Variants in KCNN2 observed in about 807,000 individuals in gnomAD.
KCNN2 encodes small conductance calcium-activated potassium channel protein 2.
A neutral mutation model predicts 55.5 loss-of-function variants in KCNN2; 24 were observed. The observed-to-expected ratio is 0.43, with a 90% CI of 0.31 to 0.61. The LOEUF is 0.61. Among genes scored for constraint, KCNN2 ranks in the 20% least tolerant of loss-of-function variants. The pLI is 0.08. For synonymous variants in KCNN2, 431 were observed against 336.1 expected, an observed-to-expected ratio of 1.28 and a Z score of -3.09; for missense variants, 754 against 853.6, an observed-to-expected ratio of 0.88 and a Z score of 1.45.
intron 1 of KCNN2, among the ~76,000 whole-genome samples, chr5:114,192,269 C>G (rs549011646): frequency 2.0e-5 from 3 of 152,254 alleles, no homozygotes; most frequent in African/African-American, 7.2e-5. Context: ...TTTGGCTGCT[C>G]TCTTATGCTT....
At chr5:114,319,600 C>T (rs550907941) in intron 2 of KCNN2, among the ~76,000 whole-genome samples, 2 of 152,258 alleles carry the variant, frequency 1.3e-5, no homozygotes, top group South Asian at 4.1e-4. Flanking sequence ...AATCTCTACT[C>T]CTTTGCCATG....
intron 1 of KCNN2, among the ~76,000 whole-genome samples, chr5:114,198,460 A>ATG (rs1753604582): frequency 1.0e-5 from 1 of 100,074 alleles, no homozygotes; most frequent in Non-Finnish European, 2.4e-5. Context: ...ATATATATAC[A>ATG]TATACACACA....
intron 5 of KCNN2, among the ~76,000 whole-genome samples, chr5:114,477,905 G>A (rs1762043945): frequency 6.6e-6 from 1 of 152,158 alleles, no homozygotes; most frequent in Non-Finnish European, 1.5e-5. Context: ...ACACTATTAT[G>A]CAGTTATATA....
At chr5:114,070,590 T>C (rs1480616395) in intron 1 of KCNN2, among the ~76,000 whole-genome samples, 1 of 152,220 alleles carries the variant, frequency 6.6e-6, no homozygotes, top group African/African-American at 2.4e-5. Flanking sequence ...GTTCTTGTTT[T>C]GCAGGTCCAG....
At chr5:114,198,330 A>T (rs1255994303) in intron 1 of KCNN2, among the ~76,000 whole-genome samples, 1 of 147,904 alleles carries the variant, frequency 6.8e-6, no homozygotes, top group Non-Finnish European at 1.5e-5. Flanking sequence ...AACCTCATAT[A>T]TATATATATA....
At chr5:114,449,879 T>TACACACACACACACACACAC (rs745574908) in intron 3 of KCNN2, among the ~76,000 whole-genome samples, 22 of 93,444 alleles carry the variant, frequency 2.4e-4, no homozygotes, top group African/African-American at 6.3e-4. Context: ...CATCCAAACA[T>TACACACACACACACACACAC]ACACACACAC....
At position 114,254,031 on chromosome 5, in the gene KCNN2, T is replaced by C. The variant is rs140300631; in HGVS notation, c.-185+32466T>C. On this transcript the variant is annotated intron_variant, in intron 2 of 10. Transcript: ENST00000512097. The stretch of plus-strand genomic sequence containing the variant: ...GCTAAATATGCTCAGCAAGATAAAC[T>C]TGACAGCACAAGTATTTTTTTACTT... 4.9e-4 allele frequency among the ~76,000 whole-genome samples: 75 copies of C among 151,632 alleles called. No individual in the cohort carries two copies. In the East Asian group the frequency reaches 0.012, roughly 24 times the overall value.
chr5:114,388,318 C>A (rs1431073859), intron 2 of KCNN2, among the ~76,000 whole-genome samples: 1 of 152,044 alleles, frequency 6.6e-6, no homozygotes, highest in African/African-American at 2.4e-5. Context: ...AGATGTTATG[C>A]AATTTATATC....
chr5:114,199,554 A>G (rs765247417), intron 1 of KCNN2, among the ~76,000 whole-genome samples: 3 of 151,578 alleles, frequency 2.0e-5, no homozygotes, highest in Admixed American at 6.6e-5. Context: ...TCATGTCCCC[A>G]TTTGATTTCT....
rs1184832749 is a variant in KCNN2, at chr5:114,496,189, A to C, written c.*7A>C. 6.2e-7 allele frequency: 1 copy of C among 1,612,176 alleles called. No homozygotes were observed. Among genetic ancestry groups the C allele is most frequent in the Non-Finnish European group, 8.5e-7 (1 of 1,178,804 alleles). On this transcript the variant is annotated 3_prime_UTR_variant, in exon 8 of 8. Coordinates refer to ENST00000673685, the MANE Select transcript of KCNN2 (RefSeq NM_021614.4). ...TTCATCAGAGAGTAGCTAGAAGAGA[A>C]TAAGTTAACCACAAAATAAGACTTT...
chr5:114,058,104 A>T (rs1424136068), intron 1 of KCNN2, among the ~76,000 whole-genome samples: 1 of 152,222 alleles, frequency 6.6e-6, no homozygotes, highest in Non-Finnish European at 1.5e-5. Flanking sequence ...ATGCATGTGA[A>T]TATGCTTAAC....
chr5:114,431,528 C>G (rs901311668), intron 3 of KCNN2, among the ~76,000 whole-genome samples: 6 of 151,932 alleles, frequency 3.9e-5, no homozygotes, highest in African/African-American at 1.4e-4. Context: ...TTTCAAAGAA[C>G]TAGCTTTTGA....
intron 1 of KCNN2, among the ~76,000 whole-genome samples, chr5:114,058,728 A>G (rs1750262196): frequency 6.6e-6 from 1 of 152,202 alleles, no homozygotes; most frequent in Non-Finnish European, 1.5e-5. Context: ...CAGATCCTGC[A>G]GGGCTTTGCA....
intron 1 of KCNN2, among the ~76,000 whole-genome samples, chr5:114,144,269 A>G (rs1415448465): frequency 1.3e-5 from 2 of 152,160 alleles, no homozygotes; most frequent in East Asian, 1.9e-4. Flanking sequence ...TCATAATTCT[A>G]TCTCCCATCC....
intron 4 of KCNN2, among the ~76,000 whole-genome samples, chr5:114,465,186 C>A (rs2150117286): frequency 6.6e-6 from 1 of 152,256 alleles, no homozygotes; most frequent in South Asian, 2.1e-4. Context: ...GTTTATCGTT[C>A]CTTGATATTT....
intron 2 of KCNN2, among the ~76,000 whole-genome samples, chr5:114,343,658 G>C (rs1757057072): frequency 6.6e-6 from 1 of 151,972 alleles, no homozygotes; most frequent in East Asian, 1.9e-4. Flanking sequence ...ACAAAGACTT[G>C]AATACCATGG....
At chr5:114,217,284 A>G (rs1431670739) in intron 1 of KCNN2, among the ~76,000 whole-genome samples, 1 of 152,150 alleles carries the variant, frequency 6.6e-6, no homozygotes, top group Non-Finnish European at 1.5e-5. Context: ...CAAAAGACCC[A>G]CAACAGCCAA....
intron 2 of KCNN2, among the ~76,000 whole-genome samples, chr5:114,387,153 A>G (rs1171825121): frequency 1.3e-5 from 2 of 152,366 alleles, no homozygotes; most frequent in African/African-American, 2.4e-5. Flanking sequence ...AATCCAAGTA[A>G]TACAAATGGA....
Position 114,123,897 on chromosome 5 carries a change from A to G in KCNN2, c.-271+67397A>G, listed in dbSNP as rs573225025. 1.3e-3 allele frequency among the ~76,000 whole-genome samples: 192 copies of G among 152,220 alleles called. 1 individual carries two copies. Among genetic ancestry groups the G allele is most frequent in the Non-Finnish European group, 2.3e-3 (156 of 68,002 alleles). ...TTTCTTGATGCTCTTACTAATTGCA[A>G]TTGTGGGCTACACCAGGTCTTGTCA... On this transcript the variant is annotated intron_variant, in intron 1 of 10. Coordinates refer to the KCNN2 transcript ENST00000512097.
Sources: allele counts gnomAD v4.1 joint callset (sites outside exome capture counted in the v4.1 genomes callset), GRCh38; gene constraint gnomAD v4.1.1; transcripts MANE v1.5; gene names NCBI Gene and HGNC (gene_info 2026-07-23, HGNC 2026-07-21).